Variants in FARP1 observed in about 807,000 individuals in gnomAD.
FARP1 encodes the protein FERM, ARH/RhoGEF and pleckstrin domain protein 1.
In FARP1, 52 loss-of-function variants were observed where a neutral mutation model predicts 128.8. The observed-to-expected ratio is 0.40, with a 90% CI of 0.32 to 0.51. The LOEUF (loss-of-function observed/expected upper bound fraction) is 0.51, where lower values mean the gene tolerates loss of function less well. Ranked by LOEUF, FARP1 falls within the 20% of genes least tolerant of loss-of-function variation. FARP1 has a pLI of 0.45. For synonymous variants in FARP1, 580 were observed against 551.8 expected (o/e 1.05, Z -0.72); for missense variants, 1,333 against 1,367.9 (o/e 0.97, Z 0.40).
intron 26 of FARP1, 71 bp downstream of exon 26, chr13:98,446,888 C>A: frequency 6.5e-7 from 1 of 1,544,724 alleles, no homozygotes; most frequent in South Asian, 1.2e-5. Context: ...AGGATTTCTC[C>A]CAAGTCAGCG....
At chr13:98,317,121 T>C (rs1797353621) in intron 2 of FARP1, among the ~76,000 whole-genome samples, 1 of 152,178 alleles carries the variant, frequency 6.6e-6, no homozygotes, top group African/African-American at 2.4e-5. Context: ...TCCCTATTTC[T>C]AGCGTTGCTG....
At chr13:98,406,938 T>C (rs11617264) in intron 13 of FARP1, 9,233 of 152,684 alleles carry the variant, frequency 0.06, 353 homozygotes, top group East Asian at 0.11. Context: ...CCCCCTACTT[T>C]TTCCCTTGCC....
intron 1 of FARP1, among the ~76,000 whole-genome samples, chr13:98,205,835 C>T (rs983995585): frequency 1.3e-5 from 2 of 152,064 alleles, no homozygotes; most frequent in African/African-American, 4.8e-5. Context: ...CCATTTTGTC[C>T]TCCTAAGGTC....
intron 2 of FARP1, among the ~76,000 whole-genome samples, chr13:98,277,276 G>C (rs592685): frequency 0.35 from 53,743 of 151,800 alleles, 10,915 homozygotes; most frequent in African/African-American, 0.56. Context: ...CCATGGCCTC[G>C]CGTGTAGCTG....
At chr13:98,219,337 T>A (rs937289051) in intron 2 of FARP1, among the ~76,000 whole-genome samples, 5 of 152,084 alleles carry the variant, frequency 3.3e-5, no homozygotes, top group African/African-American at 1.2e-4. Flanking sequence ...TCTGTCTTTG[T>A]CTATATTTAT....
At position 98,220,038 on chromosome 13, in the gene FARP1, A is replaced by G. The variant is rs79600106; in HGVS notation, c.171+6625A>G. Among the ~76,000 whole-genome samples the G allele has an allele frequency of 6.1e-5, 9 of 148,670 alleles. No individual in the cohort carries two copies. The Admixed American group carries it at 6.1e-4, about 10-fold the overall frequency. On this transcript the variant is annotated intron_variant, in intron 2 of 26. Coordinates refer to ENST00000319562, the MANE Select transcript of FARP1 (RefSeq NM_005766.4). Reference sequence around the variant, plus strand: ...CCCTTTTTGGTAAGCTGAAGAAAGTATTTTTTTTTTTTCTTTTTCTTTTTC... The same window carrying G: ...CCCTTTTTGGTAAGCTGAAGAAAGTGTTTTTTTTTTTTCTTTTTCTTTTTC...
intron 3 of FARP1, among the ~76,000 whole-genome samples, chr13:98,353,893 A>G (rs1406430323): frequency 2.0e-5 from 3 of 152,260 alleles, no homozygotes; most frequent in African/African-American, 4.8e-5. Context: ...TCAATTAACC[A>G]TAACACCCAT....
rs1038909469 is a variant in FARP1, at chr13:98,143,326, G to C, written c.-190G>C. On this transcript the variant is annotated 5_prime_UTR_variant, in exon 1 of 27. Transcript: ENST00000319562. ...CGCCCCGCGCCACCTTTGATGGCTC[G>C]GACCTCAGCCGGCCACCGCCAGCCC... 108 of 149,082 alleles carry C rather than the reference G, an allele frequency of 7.2e-4. No homozygotes were observed. Among genetic ancestry groups the C allele is most frequent in the African/African-American group, 2.6e-3 (108 of 41,110 alleles). 9.2% of individuals were successfully genotyped at this position (149,082 alleles called of 1,614,324 possible). A position where few individuals can be genotyped will look rare whatever the true frequency, so the allele number is the denominator to read the frequency against.
chr13:98,376,875 C>G (rs1217469084), intron 5 of FARP1, among the ~76,000 whole-genome samples: 2 of 149,244 alleles, frequency 1.3e-5, no homozygotes, highest in Non-Finnish European at 3.0e-5. Context: ...TTGCATTTCT[C>G]TGATGATCAG....
chr13:98,304,109 A>G (rs1448039436), intron 2 of FARP1, among the ~76,000 whole-genome samples: 1 of 152,084 alleles, frequency 6.6e-6, no homozygotes, highest in East Asian at 1.9e-4. Context: ...GGTAAAAACA[A>G]ACCGTGAGCT....
At position 98,218,064 on chromosome 13, in the gene FARP1, C is replaced by T. The variant is rs145023388; in HGVS notation, c.171+4651C>T. ...AGAGCCGCCTCCTTTGTGAGATTCG[C>T]GGACTTCCTCTGCCTCCTACTCCCA... On this transcript the variant is annotated intron_variant, in intron 2 of 26. Coordinates refer to ENST00000319562, the MANE Select transcript of FARP1 (RefSeq NM_005766.4). 4.9e-3 allele frequency among the ~76,000 whole-genome samples: 744 copies of T among 152,238 alleles called. 7 individuals are homozygous for T. Among genetic ancestry groups the T allele is most frequent in the African/African-American group, 0.017 (704 of 41,536 alleles).
chr13:98,335,385 T>G (rs2139844180), intron 2 of FARP1, among the ~76,000 whole-genome samples: 1 of 152,268 alleles, frequency 6.6e-6, no homozygotes, highest in African/African-American at 2.4e-5. Context: ...AGAGAGAGCT[T>G]GTGCAGAAAA....
chr13:98,424,542 G>A, intron 16 of FARP1, 30 bp from the exon 17 acceptor site: 1 of 1,471,172 alleles, frequency 6.8e-7, no homozygotes, highest in Non-Finnish European at 9.5e-7. Context: ...CTGATGCTTT[G>A]TATTTCCAAC....
At chr13:98,300,309 C>G (rs1331316311) in intron 2 of FARP1, among the ~76,000 whole-genome samples, 1 of 152,148 alleles carries the variant, frequency 6.6e-6, no homozygotes. Context: ...GGGAACTGTT[C>G]CTTGGGGCCC....
intron 2 of FARP1, among the ~76,000 whole-genome samples, chr13:98,300,923 G>C (rs1468868330): frequency 6.6e-6 from 1 of 152,132 alleles, no homozygotes; most frequent in Non-Finnish European, 1.5e-5. Context: ...AAATGACAAA[G>C]CCCCTGCCTG....
intron 6 of FARP1, among the ~76,000 whole-genome samples, chr13:98,378,825 A>G (rs1889700902): frequency 6.8e-6 from 1 of 147,406 alleles, no homozygotes; most frequent in South Asian, 2.1e-4. Flanking sequence ...CCAATTTGAA[A>G]AAAATGACAT....
At chr13:98,200,147 A>T (rs1236569093) in intron 1 of FARP1, among the ~76,000 whole-genome samples, 1 of 152,198 alleles carries the variant, frequency 6.6e-6, no homozygotes, top group East Asian at 1.9e-4. Flanking sequence ...AAGGCATGCC[A>T]CTTTTTCTTG....
At chr13:98,346,828 C>T (rs1888198183) in intron 3 of FARP1, among the ~76,000 whole-genome samples, 1 of 152,126 alleles carries the variant, frequency 6.6e-6, no homozygotes, top group Non-Finnish European at 1.5e-5. Flanking sequence ...GGGATTGCTG[C>T]CAGGGTCTTG....
chr13:98,406,245 T>C (rs1204043567), intron 13 of FARP1: 4 of 152,228 alleles, frequency 2.6e-5, no homozygotes, highest in African/African-American at 9.6e-5. Context: ...TGCTGAAAGG[T>C]AAATGAGTTA....
Sources: gnomAD v4.1 joint callset for allele counts (sites outside exome capture counted in the v4.1 genomes callset) on GRCh38, gnomAD v4.1.1 for gene constraint, MANE v1.5 for transcripts, NCBI Gene and HGNC (gene_info 2026-07-23, HGNC 2026-07-21) for gene names.